The following EXT1 variants were observed in gnomAD, a reference collection of about 807,000 sequenced individuals.
EXT1 encodes exostosin glycosyltransferase 1, also known as exostosin-1.
Under a neutral mutation model 82.5 loss-of-function variants are expected in EXT1, and 20 were observed. The ratio of observed to expected loss-of-function variants is 0.24; its 90% CI spans 0.17 to 0.35. EXT1 has a LOEUF of 0.35. Ranked by LOEUF, EXT1 falls within the 10% of genes least tolerant of loss-of-function variation. EXT1 has a pLI of 1.00. For synonymous variants in EXT1, 348 were observed against 350.8 expected (o/e 0.99, Z 0.09); for missense variants, 757 against 936.5 (o/e 0.81, Z 2.50).
At chr8:117,981,411 C>T in intron 1 of EXT1, among the ~76,000 whole-genome samples, 1 of 152,144 alleles carries the variant, frequency 6.6e-6, no homozygotes, top group East Asian at 1.9e-4. Context: ...TAGGTCTATT[C>T]TAGTACTTTG....
intron 1 of EXT1, among the ~76,000 whole-genome samples, chr8:118,035,979 C>T (rs1816411397): frequency 1.3e-5 from 2 of 152,130 alleles, no homozygotes; most frequent in Non-Finnish European, 2.9e-5. Context: ...AGAATGAGCC[C>T]TTAGCTCATT....
chr8:117,866,891 T>C (rs12677136), intron 1 of EXT1, among the ~76,000 whole-genome samples: 21,801 of 151,838 alleles, frequency 0.14, 1,878 homozygotes, highest in East Asian at 0.37. Flanking sequence ...TCTAAAAACA[T>C]TGGTGACCCT....
At chr8:118,031,012 T>C (rs1816305246) in intron 1 of EXT1, among the ~76,000 whole-genome samples, 1 of 152,098 alleles carries the variant, frequency 6.6e-6, no homozygotes, top group Non-Finnish European at 1.5e-5. Flanking sequence ...TACAAATTCT[T>C]GAAGGCATGA....
At chr8:118,054,608 T>A (rs1287696152) in intron 1 of EXT1, among the ~76,000 whole-genome samples, 2 of 152,226 alleles carry the variant, frequency 1.3e-5, no homozygotes. Flanking sequence ...CATCTCCATT[T>A]TTCCCTAGGA....
At chr8:117,928,862 C>G (rs1375851292) in intron 1 of EXT1, among the ~76,000 whole-genome samples, 1 of 151,972 alleles carries the variant, frequency 6.6e-6, no homozygotes, top group Non-Finnish European at 1.5e-5. Flanking sequence ...GGAGCAAGTA[C>G]TTACGACACC....
At chr8:118,098,758 CAAAAA>C (rs3050886) in intron 1 of EXT1, among the ~76,000 whole-genome samples, 3 of 128,140 alleles carry the variant, frequency 2.3e-5, no homozygotes, top group Non-Finnish European at 3.3e-5. Context: ...GACTCTGTCT[CAAAAA>C]AAAAAAAAAA....
At position 117,796,794 on chromosome 8, in the gene EXT1, C is replaced by A. The variant is rs1368984014; in HGVS notation, c.*2918G>T. On this transcript the variant is annotated 3_prime_UTR_variant, in exon 11 of 11. Coordinates refer to ENST00000378204, the MANE Select transcript of EXT1 (RefSeq NM_000127.3). The stretch of plus-strand genomic sequence containing the variant: ...ACAGTCTCAATTTTGAGCCATTTTG[C>A]TAGCTTCAACAAAGGTGATATGTAT... The A allele has an allele frequency of 1.3e-5, 2 of 152,142 alleles. No individual in the cohort carries two copies. Among genetic ancestry groups the A allele is most frequent in the African/African-American group, 4.8e-5 (2 of 41,428 alleles). The allele number at this position is 152,142 out of a possible 1,614,324, so 9.4% of individuals were successfully genotyped here.
chr8:117,806,585 CT>C (rs1174387254), intron 9 of EXT1, among the ~76,000 whole-genome samples: 1 of 152,112 alleles, frequency 6.6e-6, no homozygotes, highest in Admixed American at 6.5e-5. Context: ...AGTATTCTGC[CT>C]CAGGGCATTT....
intron 5 of EXT1, 80 bp from the exon 6 acceptor site, chr8:117,819,874 C>T (rs1811895002): frequency 7.7e-7 from 1 of 1,305,466 alleles, no homozygotes; most frequent in South Asian, 1.2e-5. Context: ...GCTCCGCTGC[C>T]TCATGCTGGA....
chr8:117,844,705 TCA>T (rs1350595399), intron 1 of EXT1, among the ~76,000 whole-genome samples: 3 of 152,174 alleles, frequency 2.0e-5, no homozygotes, highest in African/African-American at 7.2e-5. Flanking sequence ...TGACACCTAC[TCA>T]CACAGAGTCT....
chr8:117,873,656 A>G (rs1327174428), intron 1 of EXT1, among the ~76,000 whole-genome samples: 2 of 151,990 alleles, frequency 1.3e-5, no homozygotes, highest in Non-Finnish European at 2.9e-5. Flanking sequence ...GGGTTTTGCC[A>G]TGTTGGCCAG....
At position 117,980,697 on chromosome 8, in the gene EXT1, G is replaced by GTTTTTTTTTTT. The variant is rs1491146564; in HGVS notation, c.962+129387_962+129388insAAAAAAAAAAA. ...AAGGTTTGTTTGTTCGGGTGTTGGT[G>GTTTTTTTTTTT]GTTTTTTTTTTTTTTTTTTTTTTTT... is the stretch of plus-strand genomic sequence containing the variant. On this transcript the variant is annotated intron_variant, in intron 1 of 10. Coordinates refer to ENST00000378204, the MANE Select transcript of EXT1 (RefSeq NM_000127.3). Among the ~76,000 whole-genome samples, 47 of 27,574 alleles carry GTTTTTTTTTTT rather than the reference G, an allele frequency of 1.7e-3. 4 individuals are homozygous for GTTTTTTTTTTT. The highest frequency in any genetic ancestry group is 3.5e-3 in the South Asian group (3 of 868). The allele number at this position is 27,574 out of a possible 152,430, so 18.1% of individuals were successfully genotyped here.
At position 117,837,100 on chromosome 8, in the gene EXT1, C is replaced by T; in HGVS notation, c.1056+8G>A. ...GCCCTATTCTGGGAAGGCTCCAGGG[C>T]CTCTTACCTGCAAAGCCTCCAGGAA... On this transcript the variant is annotated splice_region_variant and intron_variant, in intron 2 of 10. Transcript: ENST00000378204. The T allele has an allele frequency of 1.2e-6, 2 of 1,611,652 alleles. No individual in the cohort carries two copies. The highest frequency in any genetic ancestry group is 1.1e-5 in the South Asian group (1 of 91,026).
chr8:117,943,017 C>G (rs574048756), intron 1 of EXT1, among the ~76,000 whole-genome samples: 19 of 152,290 alleles, frequency 1.2e-4, no homozygotes, highest in African/African-American at 4.3e-4. Flanking sequence ...TTGCTACTCA[C>G]ATTTATAATA....
At chr8:117,926,069 C>T (rs1262528205) in intron 1 of EXT1, among the ~76,000 whole-genome samples, 1 of 152,104 alleles carries the variant, frequency 6.6e-6, no homozygotes, top group East Asian at 1.9e-4. Context: ...TAGAAGAGAC[C>T]GCACTTGGCC....
intron 1 of EXT1, among the ~76,000 whole-genome samples, chr8:118,007,214 G>A (rs1430258391): frequency 2.6e-5 from 4 of 151,974 alleles, no homozygotes; most frequent in Admixed American, 6.6e-5. Flanking sequence ...GGAGAACGGC[G>A]TGAACCCAGG....
chr8:117,993,144 C>A (rs1004447233), intron 1 of EXT1, among the ~76,000 whole-genome samples: 7 of 152,172 alleles, frequency 4.6e-5, no homozygotes, highest in Non-Finnish European at 4.4e-5. Context: ...TTTTACATTT[C>A]TTTCTTTTTC....
At chr8:117,923,774 T>A (rs1443001506) in intron 1 of EXT1, among the ~76,000 whole-genome samples, 3 of 151,850 alleles carry the variant, frequency 2.0e-5, no homozygotes, top group African/African-American at 7.3e-5. Flanking sequence ...GACCCAACTT[T>A]CCACTCATCC....
At chr8:117,834,157 C>G (rs1378345712) in intron 3 of EXT1, among the ~76,000 whole-genome samples, 1 of 152,178 alleles carries the variant, frequency 6.6e-6, no homozygotes, top group Non-Finnish European at 1.5e-5. Flanking sequence ...GAGTGCCAGA[C>G]AGAAGTAATG....
Sources: allele counts gnomAD v4.1 joint callset (sites outside exome capture counted in the v4.1 genomes callset), GRCh38; gene constraint gnomAD v4.1.1; transcripts MANE v1.5; gene names NCBI Gene and HGNC (gene_info 2026-07-23, HGNC 2026-07-21).